F5: variants seen among roughly 807,000 people sequenced by gnomAD.
The protein encoded by F5 is activated protein c cofactor.
F5 carries 138 observed loss-of-function variants against 216.4 expected under a neutral mutation model. The observed-to-expected ratio is 0.64, with a 90% CI of 0.56 to 0.73. The LOEUF (loss-of-function observed/expected upper bound fraction) is 0.73. Among genes scored for constraint, F5 ranks in the 30% least tolerant of loss-of-function variants. The pLI is 0.00. For missense variants in F5, 2,403 were observed against 2,674.0 expected, an observed-to-expected ratio of 0.90 and a Z score of 2.24; for synonymous variants, 916 against 930.7, an observed-to-expected ratio of 0.98 and a Z score of 0.29.
rs1660385891 is a variant in F5 at position 169,558,719 on chromosome 1, CT to C, written c.730+433del. Reference sequence around the variant, plus strand: ...ATTCTAGATGCCACTGAATATTACTCTTCTGTCACCTTTTGAAATGCTGGTT... The same window carrying C: ...ATTCTAGATGCCACTGAATATTACTCTCTGTCACCTTTTGAAATGCTGGTT... On this transcript the variant is annotated intron_variant, in intron 5 of 24. Transcript: ENST00000367797. Among the ~76,000 whole-genome samples, 8 of 152,292 alleles carry C rather than the reference CT, an allele frequency of 5.3e-5. 3 individuals are homozygous for C.
chr1:169,584,642 C>T (rs910660182), intron 1 of F5, among the ~76,000 whole-genome samples: 7 of 152,134 alleles, frequency 4.6e-5, no homozygotes, highest in Non-Finnish European at 8.8e-5. Context: ...TTGATATTCA[C>T]CTAGTGAGTA....
intron 11 of F5, 134 bp from the exon 12 acceptor site, chr1:169,544,642 T>A: frequency 1.3e-6 from 1 of 752,866 alleles, no homozygotes; most frequent in Non-Finnish European, 2.3e-6. Context: ...AAGCTTTATC[T>A]AGTCTAACAT....
chr1:169,565,836 A>T (rs1660586524), intron 3 of F5, among the ~76,000 whole-genome samples: 1 of 152,080 alleles, frequency 6.6e-6, no homozygotes, highest in African/African-American at 2.4e-5. Flanking sequence ...TCTTCCCCCA[A>T]CACACCCCAA....
chr1:169,529,356 T>C (rs1659535645), intron 16 of F5, among the ~76,000 whole-genome samples: 2 of 152,330 alleles, frequency 1.3e-5, no homozygotes, highest in East Asian at 1.9e-4. Flanking sequence ...CTTTTTGTTG[T>C]TGTGGTTTTC....
chr1:169,583,902 T>TGGTAAGGTCATTGGTGCTGAGGGAAA (rs1396636774), intron 1 of F5, among the ~76,000 whole-genome samples: 1 of 152,216 alleles, frequency 6.6e-6, no homozygotes, highest in Non-Finnish European at 1.5e-5. Context: ...GACAACTACT[T>TGGTAAGGTCATTGGTGCTGAGGGAAA]GGTAAGGTCA....
chr1:169,522,584 AGACTCAAGG>A (rs1339375519), intron 21 of F5, among the ~76,000 whole-genome samples: 1 of 152,210 alleles, frequency 6.6e-6, no homozygotes, highest in African/African-American at 2.4e-5. Flanking sequence ...AAGCAGAAAC[AGACTCAAGG>A]TTATTGGTAT....
chr1:169,548,742 G>A (rs7534224), intron 10 of F5, among the ~76,000 whole-genome samples: 4,014 of 151,922 alleles, frequency 0.026, 196 homozygotes, highest in African/African-American at 0.092. Flanking sequence ...GGTGGCGGGC[G>A]CCTGTAATCC....
In F5 at chr1:169,549,617, G is replaced by A. The variant is rs140197998; in HGVS notation, c.1611+184C>T. On this transcript the variant is annotated intron_variant, in intron 10 of 24. Coordinates refer to ENST00000367797, the MANE Select transcript of F5 (RefSeq NM_000130.5). ...ACTTGCCTTCGGCAGTGATGGTACT[G>A]ATAAAAATAGACAAGACAAAAAAAA... Among the ~76,000 whole-genome samples the A allele has an allele frequency of 5.7e-3, 780 of 136,468 alleles. 6 individuals are homozygous for A. Among genetic ancestry groups the A allele is most frequent in the African/African-American group, 0.02 (725 of 36,108 alleles). 89.5% of individuals were successfully genotyped at this position (136,468 alleles called of 152,430 possible). A position where few individuals can be genotyped will look rare whatever the true frequency, so the allele number is the denominator to read the frequency against.
chr1:169,550,937 C>CA (rs1206310848), intron 8 of F5, among the ~76,000 whole-genome samples, 198 bp from the exon 9 acceptor site: 7 of 152,252 alleles, frequency 4.6e-5, no homozygotes, highest in African/African-American at 1.7e-4. Flanking sequence ...GTGTTTCACT[C>CA]ACACATTAAG....
intron 2 of F5, among the ~76,000 whole-genome samples, chr1:169,580,769 G>A (rs1324571505): frequency 6.6e-6 from 1 of 152,128 alleles, no homozygotes; most frequent in Non-Finnish European, 1.5e-5. Context: ...CTATATAAAT[G>A]AGTGGAGAAA....
chr1:169,540,340 T>G lies in F5; in HGVS notation c.4750A>C (p.Ile1584Leu), dbSNP rs746032307. ...TCCCAGGATATTTCTTCAGCAGCAATGTAATAATTTCTTCTGTTTCCATTG... is the reference window on the plus strand; with the variant it reads ...TCCCAGGATATTTCTTCAGCAGCAAGGTAATAATTTCTTCTGTTTCCATTG... ...SNNGNRRNYY[I>L]AAEEISWDYS... The change falls in exon 13 of 25, where the codon ATT (isoleucine) becomes CTT (leucine). Residue 1584 changes from isoleucine to leucine, a missense_variant. Transcript: ENST00000367797. 7.1e-5 allele frequency: 115 copies of G among 1,613,840 alleles called. No individual in the cohort carries two copies. Among genetic ancestry groups the G allele is most frequent in the Non-Finnish European group, 8.8e-5 (104 of 1,179,900 alleles).
At chr1:169,548,366 G>GA (rs1165556607) in intron 10 of F5, among the ~76,000 whole-genome samples, 7 of 150,978 alleles carry the variant, frequency 4.6e-5, no homozygotes, top group South Asian at 2.1e-4. Context: ...AAAAAAAAAA[G>GA]AAAAAAAAGT....
intron 21 of F5, among the ~76,000 whole-genome samples, chr1:169,521,444 C>T (rs946064982): frequency 1.3e-5 from 2 of 152,104 alleles, no homozygotes; most frequent in African/African-American, 4.8e-5. Context: ...GGAACCTGGA[C>T]TTTGACCCCC....
At chr1:169,569,019 A>G (rs1044490474) in intron 3 of F5, among the ~76,000 whole-genome samples, 8 of 152,142 alleles carry the variant, frequency 5.3e-5, no homozygotes, top group African/African-American at 1.9e-4. Flanking sequence ...CGTTTTATAA[A>G]GAGCTGATTT....
At chr1:169,549,088 A>G (rs928954651) in intron 10 of F5, among the ~76,000 whole-genome samples, 3 of 152,152 alleles carry the variant, frequency 2.0e-5, no homozygotes, top group African/African-American at 7.2e-5. Flanking sequence ...AGGATCTTCC[A>G]TATGTCCAGA....
intron 3 of F5, among the ~76,000 whole-genome samples, chr1:169,561,822 G>C (rs1381789778): frequency 6.6e-6 from 1 of 152,104 alleles, no homozygotes; most frequent in African/African-American, 2.4e-5. Flanking sequence ...TGTTTTACAT[G>C]ATGGGGTAAA....
intron 18 of F5, among the ~76,000 whole-genome samples, chr1:169,525,699 A>T (rs1305878172): frequency 6.6e-6 from 1 of 152,192 alleles, no homozygotes; most frequent in Non-Finnish European, 1.5e-5. Flanking sequence ...AGGTTTCCCA[A>T]TTGACAGGAA....
chr1:169,586,093 A>ATACT, intron 1 of F5, 136 bp downstream of exon 1: 1 of 938,216 alleles, frequency 1.1e-6, no homozygotes, highest in South Asian at 1.5e-5. Context: ...TTAATTCAGT[A>ATACT]TACTCTCCTA....
intron 2 of F5, among the ~76,000 whole-genome samples, chr1:169,577,712 T>C (rs2101843749): frequency 6.6e-6 from 1 of 150,626 alleles, no homozygotes; most frequent in East Asian, 2.0e-4. Context: ...AGTGCTGGGA[T>C]TACAGTCATG....
Sources: allele counts gnomAD v4.1 joint callset (sites outside exome capture counted in the v4.1 genomes callset), GRCh38; gene constraint gnomAD v4.1.1; transcripts MANE v1.5; gene names NCBI Gene and HGNC (gene_info 2026-07-23, HGNC 2026-07-21).